The following LAMA2 variants were observed in gnomAD, a reference collection of about 807,000 sequenced individuals.
The protein encoded by LAMA2 is laminin subunit alpha 2.
In LAMA2, 269 loss-of-function variants were observed where a neutral mutation model predicts 364.8. That is an observed-to-expected ratio of 0.74 (90% CI 0.67 to 0.82). LAMA2 has a LOEUF of 0.82. LAMA2 is among the 40% of genes least tolerant of loss of function. The pLI is 0.00. For synonymous variants in LAMA2, 1,379 were observed against 1,370.6 expected, an observed-to-expected ratio of 1.01 and a Z score of -0.14; for missense variants, 3,807 against 3,873.2, an observed-to-expected ratio of 0.98 and a Z score of 0.45.
intron 1 of LAMA2, among the ~76,000 whole-genome samples, chr6:128,990,907 T>C (rs927215024): frequency 2.6e-5 from 4 of 152,152 alleles, no homozygotes; most frequent in Non-Finnish European, 1.5e-5. Context: ...GTCCCTGTAT[T>C]TAAAAGTTAA....
At position 129,325,401 on chromosome 6, in the gene LAMA2, C is replaced by A. The variant is rs562525697; in HGVS notation, c.4177-2877C>A. Among the ~76,000 whole-genome samples, 3 of 152,086 alleles carry A rather than the reference C, an allele frequency of 2.0e-5. No individual in the cohort carries two copies. In the South Asian group the frequency reaches 6.2e-4, roughly 32 times the overall value. Reference sequence around the variant, plus strand: ...AAAAGTAACTTTTTTGCTTCCAATTCCAACATAATCATTCTCACAAACTTT... The same window carrying A: ...AAAAGTAACTTTTTTGCTTCCAATTACAACATAATCATTCTCACAAACTTT... On this transcript the variant is annotated intron_variant, in intron 28 of 64. Coordinates refer to ENST00000421865, the MANE Select transcript of LAMA2 (RefSeq NM_000426.4).
intron 1 of LAMA2, chr6:128,905,290 G>A (rs190725443): frequency 1.2e-4 from 18 of 152,094 alleles, no homozygotes; most frequent in Admixed American, 9.2e-4. Flanking sequence ...TCTTATTTAT[G>A]TGGATATGTG....
Position 129,047,200 on chromosome 6 carries a change from A to G in LAMA2, c.113-2718A>G, listed in dbSNP as rs1043512004. ...TATATCATGGAAAAGATAAAAAAAA[A>G]TAAGGTAAAAACTTTTAAATGGTAC... On this transcript the variant is annotated intron_variant, in intron 1 of 64. Transcript: ENST00000421865. Among the ~76,000 whole-genome samples, 3 of 152,168 alleles carry G rather than the reference A, an allele frequency of 2.0e-5. No individual in the cohort carries two copies. In the South Asian group the frequency reaches 6.2e-4, roughly 31 times the overall value.
At chr6:128,972,578 A>G (rs1264062230) in intron 1 of LAMA2, among the ~76,000 whole-genome samples, 2 of 152,192 alleles carry the variant, frequency 1.3e-5, no homozygotes, top group Non-Finnish European at 2.9e-5. Flanking sequence ...CTATGGTTGA[A>G]TCTTTTCTGG....
chr6:129,014,682 T>G (rs1784969950), intron 1 of LAMA2, among the ~76,000 whole-genome samples: 1 of 152,116 alleles, frequency 6.6e-6, no homozygotes, highest in African/African-American at 2.4e-5. Flanking sequence ...GCTATTTAGG[T>G]TTGGATTACT....
chr6:128,941,278 C>T (rs947665169), intron 1 of LAMA2, among the ~76,000 whole-genome samples: 2 of 152,102 alleles, frequency 1.3e-5, no homozygotes, highest in African/African-American at 4.8e-5. Flanking sequence ...ATTGGTTACC[C>T]GCCATATAAT....
chr6:129,048,722 C>T (rs973798415), intron 1 of LAMA2, among the ~76,000 whole-genome samples: 1 of 151,620 alleles, frequency 6.6e-6, no homozygotes, highest in Non-Finnish European at 1.5e-5. Context: ...TCAAGCAATT[C>T]TCCTGCCTCA....
chr6:129,210,003 CAA>C (rs374127279), intron 12 of LAMA2, among the ~76,000 whole-genome samples: 21 of 67,636 alleles, frequency 3.1e-4, no homozygotes, highest in Non-Finnish European at 3.0e-4. Flanking sequence ...GACTCCATCT[CAA>C]AAAAAAAAAA....
At chr6:128,925,430 T>C (rs1170704159) in intron 1 of LAMA2, among the ~76,000 whole-genome samples, 1 of 152,200 alleles carries the variant, frequency 6.6e-6, no homozygotes, top group African/African-American at 2.4e-5. Context: ...AATGCTGTTA[T>C]GATTCTACTT....
intron 4 of LAMA2, among the ~76,000 whole-genome samples, chr6:129,102,703 A>C (rs1775588062): frequency 6.6e-6 from 1 of 152,120 alleles, no homozygotes; most frequent in Non-Finnish European, 1.5e-5. Context: ...TTTGTATAAC[A>C]GAAGTTGTAT....
chr6:129,170,140 G>C (rs980957571), intron 9 of LAMA2, among the ~76,000 whole-genome samples: 32 of 150,588 alleles, frequency 2.1e-4, no homozygotes, highest in African/African-American at 7.6e-4. Context: ...TTTTTTGAAG[G>C]GTTTTTTGTG....
chr6:129,090,614 A>C (rs1774759410), intron 3 of LAMA2, among the ~76,000 whole-genome samples: 1 of 152,220 alleles, frequency 6.6e-6, no homozygotes, highest in African/African-American at 2.4e-5. Context: ...AGTGTTTCTT[A>C]CATCCTGCAT....
At chr6:129,424,004 G>A (rs572462386) in intron 40 of LAMA2, among the ~76,000 whole-genome samples, 1 of 152,174 alleles carries the variant, frequency 6.6e-6, no homozygotes, top group South Asian at 2.1e-4. Context: ...GGTAATCAGA[G>A]AATGTGGTGT....
At chr6:128,967,613 C>A (rs1452549688) in intron 1 of LAMA2, among the ~76,000 whole-genome samples, 1 of 152,100 alleles carries the variant, frequency 6.6e-6, no homozygotes, top group Non-Finnish European at 1.5e-5. Flanking sequence ...TAACCCTGCT[C>A]AAAAATGTAA....
In LAMA2 at chr6:129,192,693, G is replaced by C. The variant is rs1223671971; in HGVS notation, c.1622G>C (p.Ser541Thr). The C allele has an allele frequency of 8.7e-6, 14 of 1,613,832 alleles. No individual in the cohort carries two copies. Among genetic ancestry groups the C allele is most frequent in the Non-Finnish European group, 1.2e-5 (14 of 1,179,870 alleles). The change falls in exon 12 of 65, where the codon AGT becomes ACT. Residue 541 changes from serine (S) to threonine (T), a missense_variant. Around this residue, in one of 3 missense-constraint regions of LAMA2, gnomAD observed 3,333 missense variants for 3,345.7 expected, o/e 1.00. Coordinates refer to ENST00000421865, the MANE Select transcript of LAMA2 (RefSeq NM_000426.4). ...GTTTTCTCTAAGATACAAGATATGA[G>C]TGGCTGGTATCTGACTGACCTTCCT... ...YWTYGKIQDM[S>T]GWYLTDLPGR...
intron 37 of LAMA2, among the ~76,000 whole-genome samples, chr6:129,397,683 A>G (rs1011775434): frequency 1.2e-4 from 18 of 152,092 alleles, no homozygotes; most frequent in Non-Finnish European, 2.4e-4. Context: ...TGGGAGGCTG[A>G]GGCAGGAGGA....
intron 4 of LAMA2, among the ~76,000 whole-genome samples, chr6:129,134,737 G>A (rs1172497788): frequency 6.6e-6 from 1 of 152,162 alleles, no homozygotes; most frequent in Non-Finnish European, 1.5e-5. Flanking sequence ...GTGGAGCTCA[G>A]ACACCTCCTT....
chr6:128,943,997 A>G (rs1440178431), intron 1 of LAMA2, among the ~76,000 whole-genome samples: 2 of 152,196 alleles, frequency 1.3e-5, no homozygotes, highest in Non-Finnish European at 2.9e-5. Context: ...ATTGTGATAT[A>G]CTGTCTACTG....
At chr6:129,380,471 G>A (rs1778618996) in intron 34 of LAMA2, among the ~76,000 whole-genome samples, 1 of 152,146 alleles carries the variant, frequency 6.6e-6, no homozygotes, top group African/African-American at 2.4e-5. Context: ...CAGTTGGAGA[G>A]GTTGTCAATA....
Sources: gnomAD v4.1 joint callset for allele counts (sites outside exome capture counted in the v4.1 genomes callset) on GRCh38, gnomAD v4.1.1 for gene constraint, gnomAD v4.1.1 regional missense constraint, MANE v1.5 for transcripts, NCBI Gene and HGNC (gene_info 2026-07-23, HGNC 2026-07-21) for gene names.